Variants in PRDM5 observed in about 807,000 individuals in gnomAD.
PRDM5 encodes the protein PR/SET domain 5.
In PRDM5, 56 loss-of-function variants were observed where a neutral mutation model predicts 81.2. The ratio of observed to expected loss-of-function variants is 0.69; its 90% confidence interval spans 0.56 to 0.86. PRDM5 has a LOEUF of 0.86. Among genes scored for constraint, PRDM5 ranks in the 40% least tolerant of loss-of-function variants. PRDM5 has a pLI of 0.00. For synonymous variants in PRDM5, 267 were observed against 256.4 expected (o/e 1.04, Z -0.39); for missense variants, 697 against 770.1 (o/e 0.91, Z 1.12).
chr4:120,710,481 A>T, intron 14 of PRDM5, 68 bp from the exon 15 acceptor site: 1 of 1,273,856 alleles, frequency 7.9e-7, no homozygotes, highest in East Asian at 2.3e-5. Context: ...CTCCATATTC[A>T]GGTGTGTGTT....
At chr4:120,817,045 T>C in intron 5 of PRDM5, 121 bp from the exon 6 acceptor site, 1 of 886,382 alleles carries the variant, frequency 1.1e-6, no homozygotes, top group Non-Finnish European at 1.8e-6. Context: ...CATTGTCTTT[T>C]GCCTTTTTAA....
At chr4:120,840,570 G>T (rs1203691499) in intron 3 of PRDM5, among the ~76,000 whole-genome samples, 1 of 152,114 alleles carries the variant, frequency 6.6e-6, no homozygotes, top group Non-Finnish European at 1.5e-5. Flanking sequence ...CCAAAAGTGT[G>T]GCCCCAGCTC....
chr4:120,714,433 T>TG (rs1425968325), intron 14 of PRDM5, among the ~76,000 whole-genome samples: 1 of 152,172 alleles, frequency 6.6e-6, no homozygotes, highest in Non-Finnish European at 1.5e-5. Context: ...TGCTGTTTAA[T>TG]GGGACCCTAG....
chr4:120,713,888 T>C (rs527318947), intron 14 of PRDM5, among the ~76,000 whole-genome samples: 2 of 152,222 alleles, frequency 1.3e-5, no homozygotes, highest in Non-Finnish European at 2.9e-5. Flanking sequence ...TGAGGGCCCT[T>C]TTCTGGGTTG....
At chr4:120,864,558 T>C (rs538430311) in intron 2 of PRDM5, among the ~76,000 whole-genome samples, 1 of 152,274 alleles carries the variant, frequency 6.6e-6, no homozygotes, top group East Asian at 1.9e-4. Flanking sequence ...ATCAGATAGG[T>C]TGGCTGAGGA....
intron 15 of PRDM5, among the ~76,000 whole-genome samples, chr4:120,702,173 T>C (rs904543875): frequency 2.6e-5 from 4 of 152,344 alleles, no homozygotes; most frequent in African/African-American, 9.6e-5. Flanking sequence ...TTCCTCCTCA[T>C]CCTCTCCAGT....
At chr4:120,921,616 A>C (rs1724927191) in intron 1 of PRDM5, among the ~76,000 whole-genome samples, 1 of 152,188 alleles carries the variant, frequency 6.6e-6, no homozygotes, top group South Asian at 2.1e-4. Flanking sequence ...GTTCTTGCCC[A>C]AACCTCCATC....
At chr4:120,838,829 G>A (rs1388300143) in intron 3 of PRDM5, 1 of 185,184 alleles carries the variant, frequency 5.4e-6, no homozygotes. Flanking sequence ...GGCAGGCTGT[G>A]TTCAGCTCAC....
intron 13 of PRDM5, among the ~76,000 whole-genome samples, chr4:120,757,194 G>A (rs1744869192): frequency 6.6e-6 from 1 of 152,140 alleles, no homozygotes; most frequent in South Asian, 2.1e-4. Context: ...TTTACCTACT[G>A]TTATAATATA....
chr4:120,885,356 T>G (rs1372985082), intron 2 of PRDM5: 1 of 152,024 alleles, frequency 6.6e-6, no homozygotes, highest in African/African-American at 2.4e-5. Flanking sequence ...GGAAAAAACT[T>G]GGGTAACATT....
At chr4:120,685,562 C>T (rs1006590096) in intron 1 of PRDM5, among the ~76,000 whole-genome samples, 1 of 151,956 alleles carries the variant, frequency 6.6e-6, no homozygotes, top group Non-Finnish European at 1.5e-5. Flanking sequence ...TGGAATGCTG[C>T]GGAGTGGTGG....
At chr4:120,853,281 G>T in intron 3 of PRDM5, 137 bp downstream of exon 3, 1 of 1,320,616 alleles carries the variant, frequency 7.6e-7, no homozygotes, top group Non-Finnish European at 1.1e-6. Flanking sequence ...CTGACTAGAT[G>T]AGATTTCTCT....
At chr4:120,892,846 G>T (rs1373591776) in intron 2 of PRDM5, among the ~76,000 whole-genome samples, 1 of 151,950 alleles carries the variant, frequency 6.6e-6, no homozygotes, top group Non-Finnish European at 1.5e-5. Flanking sequence ...TGGCAGTGGT[G>T]GGTGGGGGCT....
Position 120,816,522 on chromosome 4 carries a change from C to T in PRDM5, c.796G>A (p.Ala266Thr), listed in dbSNP as rs758534640. 6.2e-7 allele frequency: 1 copy of T among 1,614,166 alleles called. No homozygotes were observed. Among genetic ancestry groups the T allele is most frequent in the South Asian group, 1.1e-5 (1 of 91,086 alleles). Residue 266 changes from alanine (A) to threonine (T), a missense_variant, in exon 7 of 16, where the codon GCT becomes ACT. Transcript: ENST00000264808. ...TTCAGCCTCTTTCCACAGCTGTCAGCCTTGCACACAAACCTGGCATCCCCC... is the reference window on the plus strand; with the variant it reads ...TTCAGCCTCTTTCCACAGCTGTCAGTCTTGCACACAAACCTGGCATCCCCC... ...CRGDARFVCK[A>T]DSCGKRLKSK...
At chr4:120,871,268 T>TA (rs1761757382) in intron 2 of PRDM5, among the ~76,000 whole-genome samples, 1 of 152,344 alleles carries the variant, frequency 6.6e-6, no homozygotes, top group South Asian at 2.1e-4. Context: ...GACACCACTT[T>TA]AAATCATATG....
chr4:120,864,864 T>G (rs1761029748), intron 2 of PRDM5, among the ~76,000 whole-genome samples: 1 of 152,188 alleles, frequency 6.6e-6, no homozygotes, highest in Non-Finnish European at 1.5e-5. Flanking sequence ...ATCCATGTTG[T>G]ACACACTTCT....
chr4:120,892,970 G>GGGGGAGT (rs1183047925), intron 2 of PRDM5, among the ~76,000 whole-genome samples: 3 of 152,224 alleles, frequency 2.0e-5, no homozygotes, highest in African/African-American at 7.2e-5. Flanking sequence ...ATCCAGTGAA[G>GGGGGAGT]GGGGAGTAGA....
intron 1 of PRDM5, chr4:120,685,172 T>C (rs1422580206): frequency 6.6e-6 from 1 of 152,066 alleles, no homozygotes; most frequent in East Asian, 1.9e-4. Context: ...TAAAATGTGA[T>C]TAATATAGTA....
intron 10 of PRDM5, among the ~76,000 whole-genome samples, chr4:120,796,857 T>C (rs1346236976): frequency 6.6e-6 from 1 of 152,120 alleles, no homozygotes; most frequent in Non-Finnish European, 1.5e-5. Flanking sequence ...CCCCATGGAG[T>C]ATAATAACTG....
Sources: gnomAD v4.1 joint callset for allele counts (sites outside exome capture counted in the v4.1 genomes callset) on GRCh38, gnomAD v4.1.1 for gene constraint, MANE v1.5 for transcripts, NCBI Gene and HGNC (gene_info 2026-07-23, HGNC 2026-07-21) for gene names.